Variants in ZFYVE16 observed in about 807,000 individuals in gnomAD.
ZFYVE16 encodes zinc finger FYVE-type containing 16, also known as zinc finger FYVE domain-containing protein 16.
In ZFYVE16, 89 loss-of-function variants were observed where a neutral mutation model predicts 138.1. That is an observed-to-expected ratio of 0.64 (90% CI 0.54 to 0.77). ZFYVE16 has a LOEUF of 0.77. Among genes scored for constraint, ZFYVE16 ranks in the 30% least tolerant of loss-of-function variants. The probability of loss-of-function intolerance (pLI) is 0.00; values close to 1 mark genes in which losing one functional copy is unlikely to be tolerated. For synonymous variants in ZFYVE16, 596 were observed against 618.3 expected (o/e 0.96, Z 0.53); for missense variants, 1,793 against 1,786.7 (o/e 1.00, Z -0.06).
chr5:80,430,203 A>G (rs944782211), intron 2 of ZFYVE16, among the ~76,000 whole-genome samples: 22 of 152,242 alleles, frequency 1.4e-4, no homozygotes, highest in African/African-American at 5.1e-4. Context: ...AGCACTCCTC[A>G]GCAAATGTAA....
Position 80,438,513 on chromosome 5 carries a change from T to C in ZFYVE16, c.1828T>C (p.Ser610Pro), listed in dbSNP as rs1405853820. 5 of 1,613,714 alleles carry C rather than the reference T, an allele frequency of 3.1e-6. No individual in the cohort carries two copies. The highest frequency in any genetic ancestry group is 4.2e-6 in the Non-Finnish European group (5 of 1,179,854). Residue 610 changes from serine to proline, a missense_variant, in exon 4 of 19, where the codon TCT (serine) becomes CCT (proline). Around this residue, in one of 2 missense-constraint regions of ZFYVE16, gnomAD observed 1,295 missense variants for 1,204.3 expected, o/e 1.08. Transcript: ENST00000505560. Reference sequence around the variant, plus strand: ...ACAAAATACAATAGAAAATGGCCTTTCTTTAGGAGAAAAAAGCACTATTCC... The same window carrying C: ...ACAAAATACAATAGAAAATGGCCTTCCTTTAGGAGAAAAAAGCACTATTCC... Reference protein sequence around the residue: ...DKQNTIENGLSLGEKSTIPVQ... With the variant: ...DKQNTIENGLPLGEKSTIPVQ...
At chr5:80,441,263 G>A in intron 5 of ZFYVE16, 1 of 985,326 alleles carries the variant, frequency 1.0e-6, no homozygotes, top group Non-Finnish European at 1.2e-6. Flanking sequence ...AGATTTTTGG[G>A]TGAACATTCA....
rs540989651 is a variant in ZFYVE16 at position 80,417,077 on chromosome 5, A to G, written c.-94+8924A>G. ...CTCCCCTGCCATAACCTCCTCCTTC[A>G]ACAGGGAGAAACTTGGCTTCCACGA... On this transcript the variant is annotated intron_variant, in intron 1 of 18. Coordinates refer to ENST00000505560, the MANE Select transcript of ZFYVE16 (RefSeq NM_001284236.3). Among the ~76,000 whole-genome samples the G allele has an allele frequency of 2.0e-4, 30 of 152,288 alleles. No homozygotes were observed. In the South Asian group the frequency reaches 6.2e-3, roughly 32 times the overall value.
intron 11 of ZFYVE16, chr5:80,454,350 T>G (rs1752285984): frequency 6.6e-6 from 1 of 152,202 alleles, no homozygotes; most frequent in Non-Finnish European, 1.5e-5. Context: ...AGTCTTGCCT[T>G]CCTTTTCTTC....
intron 4 of ZFYVE16, 121 bp from the exon 5 acceptor site, chr5:80,439,815 A>G (rs1750456497): frequency 3.6e-6 from 2 of 562,940 alleles, no homozygotes; most frequent in South Asian, 9.6e-5. Context: ...TGATTAGGAA[A>G]TGATTTATAC....
Position 80,468,962 on chromosome 5 carries a change from G to A in ZFYVE16, c.4025-3799G>A, listed in dbSNP as rs1754011056. Among the ~76,000 whole-genome samples, 3 of 151,812 alleles carry A rather than the reference G, an allele frequency of 2.0e-5. No homozygotes were observed. The South Asian group carries it at 6.2e-4, about 32-fold the overall frequency. On this transcript the variant is annotated intron_variant, in intron 15 of 18. Coordinates refer to ENST00000505560, the MANE Select transcript of ZFYVE16 (RefSeq NM_001284236.3). The stretch of plus-strand genomic sequence containing the variant: ...CAATAATCATAAGCACACCCATCTG[G>A]ATCCATGTTTATCAATTAATACCTT...
chr5:80,465,270 T>A (rs920739620), intron 15 of ZFYVE16, among the ~76,000 whole-genome samples: 1 of 152,014 alleles, frequency 6.6e-6, no homozygotes, highest in South Asian at 2.1e-4. Context: ...TGCTAATTTC[T>A]CCTTCATTTT....
rs1397745865 is a variant in ZFYVE16 at position 80,437,451 on chromosome 5, T to G, written c.766T>G (p.Phe256Val). 6.2e-7 allele frequency: 1 copy of G among 1,602,568 alleles called. No individual in the cohort carries two copies. The highest frequency in any genetic ancestry group is 8.5e-7 in the Non-Finnish European group (1 of 1,175,052). The change falls in exon 4 of 19, where the codon TTT (phenylalanine) becomes GTT (valine). Residue 256 changes from phenylalanine (F) to valine (V), a missense_variant. Around this residue, in one of 2 missense-constraint regions of ZFYVE16, gnomAD observed 1,295 missense variants for 1,204.3 expected, o/e 1.08. Coordinates refer to ENST00000505560, the MANE Select transcript of ZFYVE16 (RefSeq NM_001284236.3). Reference sequence around the variant, plus strand: ...TTTGACTCGACAAAGTTCCAAAATGTTTCATGCCAAAGACAAGCTACAACA... The same window carrying G: ...TTTGACTCGACAAAGTTCCAAAATGGTTCATGCCAAAGACAAGCTACAACA... Reference protein sequence around the residue: ...SALTRQSSKMFHAKDKLQHKS... With the variant: ...SALTRQSSKMVHAKDKLQHKS...
rs780799768 is a variant in ZFYVE16, at chr5:80,437,718, G to T, written c.1033G>T (p.Asp345Tyr). The T allele has an allele frequency of 1.9e-6, 3 of 1,613,870 alleles. No individual in the cohort carries two copies. The Admixed American group carries it at 5.0e-5, about 27-fold the overall frequency. ...KTVIKQSAQE[D>Y]SKSLDLKDND... ...TGTTATAAAACAATCTGCACAAGAA[G>T]ACTCAAAAAGTTTAGACCTTAAGGA... Residue 345 changes from aspartate to tyrosine, a missense_variant, in exon 4 of 19, where the codon GAC (aspartate) becomes TAC (tyrosine). By Grantham distance (160) the Asp-to-Tyr change is radical. Around this residue, in one of 2 missense-constraint regions of ZFYVE16, gnomAD observed 1,295 missense variants for 1,204.3 expected, o/e 1.08. Coordinates refer to ENST00000505560, the MANE Select transcript of ZFYVE16 (RefSeq NM_001284236.3).
chr5:80,437,100 G>A lies in ZFYVE16; in HGVS notation c.415G>A (p.Ala139Thr), dbSNP rs548177517. Residue 139 changes from alanine to threonine, a missense_variant, in exon 4 of 19, where the codon GCA becomes ACA. Coordinates refer to ENST00000505560, the MANE Select transcript of ZFYVE16 (RefSeq NM_001284236.3). ...LISDMGNLVH[A>T]TNSEEDIKKL... ...AAGTGACATGGGTAACTTAGTTCAT[G>A]CAACCAATAGTGAAGAAGATATTAA... 9.8e-5 allele frequency: 158 copies of A among 1,614,090 alleles called. 1 individual carries two copies. In the South Asian group the frequency reaches 1.4e-3, roughly 14 times the overall value.
intron 1 of ZFYVE16, among the ~76,000 whole-genome samples, chr5:80,418,793 T>G (rs1276385824): frequency 6.6e-6 from 1 of 152,212 alleles, no homozygotes; most frequent in Non-Finnish European, 1.5e-5. Flanking sequence ...CATTTTTTCT[T>G]TCGTGGATCA....
At chr5:80,450,320 C>G (rs988668510) in intron 9 of ZFYVE16, 111 bp from the exon 10 acceptor site, 11 of 1,061,372 alleles carry the variant, frequency 1.0e-5, no homozygotes, top group Non-Finnish European at 1.5e-5. Context: ...ATAAGGAGAA[C>G]TTTGGGAACA....
chr5:80,473,732 T>C, intron 16 of ZFYVE16, 22 bp from the exon 17 acceptor site: 1 of 1,483,490 alleles, frequency 6.7e-7, no homozygotes, highest in Non-Finnish European at 9.3e-7. Context: ...ATAATTCTAT[T>C]GTATTATGTT....
intron 17 of ZFYVE16, 139 bp downstream of exon 17, chr5:80,473,998 T>C: frequency 1.7e-6 from 1 of 601,560 alleles, no homozygotes; most frequent in Non-Finnish European, 2.8e-6. Flanking sequence ...CATACGCATT[T>C]CCACCCCAGA....
chr5:80,480,193 CTTTG>C lies in ZFYVE16; in HGVS notation c.*2820_*2823del, dbSNP rs1755213377. Reference sequence around the variant, plus strand: ...CAGATATAGGTATTAGATTTGTTTTCTTTGTTTAAGGAAATAAGGTGTGTGAATG... The same window carrying C: ...CAGATATAGGTATTAGATTTGTTTTCTTTAAGGAAATAAGGTGTGTGAATG... On this transcript the variant is annotated 3_prime_UTR_variant, in exon 19 of 19. Transcript: ENST00000505560. Among the ~76,000 whole-genome samples the C allele has an allele frequency of 6.6e-6, 1 of 151,930 alleles. No homozygotes were observed. Among genetic ancestry groups the C allele is most frequent in the South Asian group, 2.1e-4 (1 of 4,816 alleles).
chr5:80,418,065 A>G (rs1310371991), intron 1 of ZFYVE16, among the ~76,000 whole-genome samples: 1 of 151,932 alleles, frequency 6.6e-6, no homozygotes, highest in Non-Finnish European at 1.5e-5. Context: ...TCATATTCTT[A>G]TTTTCCATCC....
Position 80,472,832 on chromosome 5 carries a change from T to G in ZFYVE16, c.4096T>G (p.Phe1366Val), listed in dbSNP as rs948893440. ...LRLALREQKD[F>V]KITCGKVDAV... Reference sequence around the variant, plus strand: ...GCTAGCTTTACGAGAACAGAAAGACTTTAAAATTACATGTGGGAAAGTTGA... The same window carrying G: ...GCTAGCTTTACGAGAACAGAAAGACGTTAAAATTACATGTGGGAAAGTTGA... Residue 1366 changes from phenylalanine (F) to valine (V), a missense_variant, in exon 16 of 19, where the codon TTT (phenylalanine) becomes GTT (valine). Physicochemically the swap from Phe to Val is conservative, Grantham distance 50. Coordinates refer to ENST00000505560, the MANE Select transcript of ZFYVE16 (RefSeq NM_001284236.3). 6.2e-7 allele frequency: 1 copy of G among 1,613,890 alleles called. No individual in the cohort carries two copies. Among genetic ancestry groups the G allele is most frequent in the African/African-American group, 1.3e-5 (1 of 74,910 alleles).
At chr5:80,439,132 A>G in intron 4 of ZFYVE16, 125 bp downstream of exon 4, 1 of 1,024,828 alleles carries the variant, frequency 9.8e-7, no homozygotes, top group Non-Finnish European at 1.4e-6. Context: ...AGTGTTTTTC[A>G]TCTACCAGTC....
chr5:80,426,266 GTGTGTGTATATA>G (rs754774582), intron 1 of ZFYVE16, among the ~76,000 whole-genome samples: 143 of 55,048 alleles, frequency 2.6e-3, no homozygotes, highest in East Asian at 0.011. Flanking sequence ...GTGTGTGTGT[GTGTGTGTATATA>G]TATATATATA....
Sources: allele counts gnomAD v4.1 joint callset (sites outside exome capture counted in the v4.1 genomes callset), GRCh38; gene constraint gnomAD v4.1.1; regional missense constraint gnomAD v4.1.1; transcripts MANE v1.5; gene names NCBI Gene and HGNC (gene_info 2026-07-23, HGNC 2026-07-21).